Variants in CHRM3 observed in about 807,000 individuals in gnomAD.
The protein encoded by CHRM3 is muscarinic acetylcholine receptor M3.
Under a neutral mutation model 41.8 loss-of-function variants are expected in CHRM3, and 11 were observed. The ratio of observed to expected loss-of-function variants is 0.26; its 90% CI spans 0.17 to 0.44. The LOEUF (loss-of-function observed/expected upper bound fraction) is 0.44. Among genes scored for constraint, CHRM3 ranks in the 20% least tolerant of loss-of-function variants. CHRM3 has a pLI of 1.00. For synonymous variants in CHRM3, 297 were observed against 301.4 expected, an observed-to-expected ratio of 0.99 and a Z score of 0.15; for missense variants, 571 against 745.4, an observed-to-expected ratio of 0.77 and a Z score of 2.72.
intron 5 of CHRM3, among the ~76,000 whole-genome samples, chr1:239,690,543 T>G (rs1441314748): frequency 6.6e-6 from 1 of 152,000 alleles, no homozygotes; most frequent in Non-Finnish European, 1.5e-5. Context: ...AATTTCTAAA[T>G]GAATCCCAGC....
At chr1:239,557,027 T>C (rs1313447025) in intron 3 of CHRM3, among the ~76,000 whole-genome samples, 1 of 152,200 alleles carries the variant, frequency 6.6e-6, no homozygotes, top group Non-Finnish European at 1.5e-5. Flanking sequence ...AATTTCATTC[T>C]TTCATTCATG....
intron 1 of CHRM3, among the ~76,000 whole-genome samples, chr1:239,413,060 G>C (rs1032665587): frequency 6.8e-6 from 1 of 147,382 alleles, no homozygotes; most frequent in South Asian, 2.2e-4. Flanking sequence ...CCTGGTGACA[G>C]AGCGAGACTC....
Position 239,914,002 on chromosome 1 carries a change from G to C in CHRM3, c.*4778G>C, listed in dbSNP as rs1423592751. 1 of 166,782 alleles carries C rather than the reference G, an allele frequency of 6.0e-6. No individual in the cohort carries two copies. Among genetic ancestry groups the C allele is most frequent in the Non-Finnish European group, 1.5e-5 (1 of 68,122 alleles). 10.3% of individuals were successfully genotyped at this position (166,782 alleles called of 1,614,324 possible). A position where few individuals can be genotyped will look rare whatever the true frequency, so the allele number is the denominator to read the frequency against. ...AAAAAATCATCTAGAGAATCAAAGG[G>C]GCTCACATCTCAGTTGCATTCTATT... On this transcript the variant is annotated 3_prime_UTR_variant, in exon 7 of 7. Coordinates refer to ENST00000676153, the MANE Select transcript of CHRM3 (RefSeq NM_001375978.1).
chr1:239,594,708 GA>G (rs1416405891), intron 3 of CHRM3, among the ~76,000 whole-genome samples: 1 of 152,192 alleles, frequency 6.6e-6, no homozygotes, highest in Non-Finnish European at 1.5e-5. Flanking sequence ...AATATATGGT[GA>G]AAAGAAAGTC....
chr1:239,435,903 C>T (rs915016884), intron 1 of CHRM3, among the ~76,000 whole-genome samples: 3 of 152,072 alleles, frequency 2.0e-5, no homozygotes, highest in African/African-American at 4.8e-5. Context: ...GCTGCTCCCC[C>T]GATGGTACTG....
intron 4 of CHRM3, among the ~76,000 whole-genome samples, chr1:239,673,830 T>A (rs1657660777): frequency 6.6e-6 from 1 of 152,170 alleles, no homozygotes; most frequent in Admixed American, 6.6e-5. Flanking sequence ...TTTTCTTAAA[T>A]GCTTTCCTGT....
At chr1:239,392,285 G>T (rs1659103874) in intron 1 of CHRM3, among the ~76,000 whole-genome samples, 1 of 152,086 alleles carries the variant, frequency 6.6e-6, no homozygotes, top group Non-Finnish European at 1.5e-5. Context: ...AATTCTCCTT[G>T]TCTGTCATTG....
intron 4 of CHRM3, among the ~76,000 whole-genome samples, chr1:239,640,575 G>T (rs2148916014): frequency 6.6e-6 from 1 of 152,078 alleles, no homozygotes; most frequent in African/African-American, 2.4e-5. Flanking sequence ...AGTATTCTCT[G>T]ATGGTAGTTT....
chr1:239,855,235 A>G (rs114677844), intron 6 of CHRM3, among the ~76,000 whole-genome samples: 6,261 of 152,238 alleles, frequency 0.041, 165 homozygotes, highest in East Asian at 0.06. Flanking sequence ...GATAATCACA[A>G]AGTCATCATG....
At chr1:239,728,775 GCA>G (rs796917089) in intron 5 of CHRM3, among the ~76,000 whole-genome samples, 46 of 151,812 alleles carry the variant, frequency 3.0e-4, no homozygotes, top group African/African-American at 9.7e-4. Flanking sequence ...TCCATTGTGT[GCA>G]CACACACACA....
chr1:239,474,748 T>C (rs1330970461), intron 1 of CHRM3, among the ~76,000 whole-genome samples: 1 of 152,146 alleles, frequency 6.6e-6, no homozygotes, highest in African/African-American at 2.4e-5. Flanking sequence ...GTGGATTTTG[T>C]TGCAGAAGGT....
intron 1 of CHRM3, among the ~76,000 whole-genome samples, chr1:239,416,777 C>T (rs1407850276): frequency 6.6e-6 from 1 of 152,066 alleles, no homozygotes; most frequent in Non-Finnish European, 1.5e-5. Context: ...TTTGGAAGCC[C>T]AGATGCCTGC....
chr1:239,498,191 A>C (rs1668006108), intron 2 of CHRM3, among the ~76,000 whole-genome samples: 1 of 152,140 alleles, frequency 6.6e-6, no homozygotes, highest in Non-Finnish European at 1.5e-5. Flanking sequence ...TGTTTATCAT[A>C]TATAAGTACA....
intron 3 of CHRM3, among the ~76,000 whole-genome samples, chr1:239,580,954 G>C (rs1662844764): frequency 6.6e-6 from 1 of 151,630 alleles, no homozygotes; most frequent in Admixed American, 6.6e-5. Context: ...AATGCAGTTT[G>C]GGTCCTACTC....
At chr1:239,825,097 C>A (rs1055472150) in intron 5 of CHRM3, among the ~76,000 whole-genome samples, 1 of 152,194 alleles carries the variant, frequency 6.6e-6, no homozygotes, top group Admixed American at 6.5e-5. Flanking sequence ...TCAGGCCTGT[C>A]CTTATGGGAC....
At chr1:239,656,050 A>G (rs1456473992) in intron 4 of CHRM3, among the ~76,000 whole-genome samples, 4 of 152,290 alleles carry the variant, frequency 2.6e-5, no homozygotes, top group Non-Finnish European at 5.9e-5. Flanking sequence ...TAATGCAGAA[A>G]TAGAAACTGA....
Position 239,792,146 on chromosome 1 carries a change from G to T in CHRM3, c.-146-35106G>T, listed in dbSNP as rs560855491. 1.6e-3 allele frequency among the ~76,000 whole-genome samples: 242 copies of T among 152,256 alleles called. 1 individual carries two copies. Among genetic ancestry groups the T allele is most frequent in the African/African-American group, 5.5e-3 (228 of 41,560 alleles). On this transcript the variant is annotated intron_variant, in intron 5 of 6. Coordinates refer to ENST00000676153, the MANE Select transcript of CHRM3 (RefSeq NM_001375978.1). ...GCACCTTGGCCACTGGGGCATCAAG[G>T]CTAGTCCTCTTCCTTCCTTTGCCCT... is the stretch of plus-strand genomic sequence containing the variant.
At chr1:239,776,474 G>A (rs545999276) in intron 5 of CHRM3, among the ~76,000 whole-genome samples, 8 of 152,200 alleles carry the variant, frequency 5.3e-5, no homozygotes, top group Non-Finnish European at 8.8e-5. Context: ...TCTTAATGTG[G>A]CTGCTCAGAA....
chr1:239,713,198 G>A (rs1339655980), intron 5 of CHRM3, among the ~76,000 whole-genome samples: 2 of 152,166 alleles, frequency 1.3e-5, no homozygotes, highest in Non-Finnish European at 2.9e-5. Flanking sequence ...AGTGAATTCC[G>A]AATTGGAAGT....
Sources: allele counts gnomAD v4.1 joint callset (sites outside exome capture counted in the v4.1 genomes callset), GRCh38; gene constraint gnomAD v4.1.1; transcripts MANE v1.5; gene names NCBI Gene and HGNC (gene_info 2026-07-23, HGNC 2026-07-21).